The following USB1 variants were observed in gnomAD, a reference collection of about 807,000 sequenced individuals.
USB1 encodes the protein U6 snRNA phosphodiesterase 1.
Under a neutral mutation model 29.9 loss-of-function variants are expected in USB1, and 21 were observed. The ratio of observed to expected loss-of-function variants is 0.70; its 90% CI spans 0.50 to 1.01. USB1 has a LOEUF of 1.01. Among genes scored for constraint, USB1 ranks in the 50% least tolerant of loss-of-function variants. USB1 has a pLI of 0.00. For synonymous variants in USB1, 143 were observed against 134.9 expected (o/e 1.06, Z -0.42); for missense variants, 330 against 347.1 (o/e 0.95, Z 0.39).
chr16:58,001,702 G>A (rs954423208), intron 1 of USB1, 121 bp downstream of exon 1: 10 of 1,148,552 alleles, frequency 8.7e-6, no homozygotes, highest in Admixed American at 6.0e-5. Flanking sequence ...AAGGAAAAGG[G>A]GACGCAGGAA....
chr16:58,013,465 G>T lies in USB1; in HGVS notation c.450-808G>T. 4 of 985,568 alleles carry T rather than the reference G, an allele frequency of 4.1e-6. No homozygotes were observed. The highest frequency in any genetic ancestry group is 4.8e-6 in the Non-Finnish European group (4 of 830,078). The allele number at this position is 985,568 out of a possible 1,614,324, so 61.1% of individuals were successfully genotyped here. ...TGGGGGTGAGACCCTTGGCCTGGGG[G>T]CTGTAAAATGATCTGTTTCTGTGAG... On this transcript the variant is annotated intron_variant, in intron 3 of 6. Transcript: ENST00000219281. The surrounding 1 kb of genome is among the most constrained non-coding windows in gnomAD (Gnocchi z 4.3).
chr16:58,002,342 G>A, intron 1 of USB1, 137 bp from the exon 2 acceptor site: 1 of 1,380,606 alleles, frequency 7.2e-7, no homozygotes, highest in Non-Finnish European at 1.0e-6. Flanking sequence ...TCGCTATCTA[G>A]AAGCTGCTTC....
chr16:58,016,895 G>T, intron 4 of USB1: 1 of 259,528 alleles, frequency 3.9e-6, no homozygotes, highest in Non-Finnish European at 7.6e-6. Flanking sequence ...CGTGGGTTCA[G>T]GGGAGAGTTT....
At chr16:58,012,638 C>G (rs553741946) in intron 3 of USB1, 8 of 1,300,924 alleles carry the variant, frequency 6.1e-6, no homozygotes, top group Non-Finnish European at 7.8e-6. Context: ...TGACCCGTCT[C>G]CTGTGTGCTT....
rs781151070 is a variant in USB1, at chr16:58,001,495, GC to G, written c.16del (p.Leu6TrpfsTer45). MSAAPLVGYSSSGSE... is the reference protein window; with the variant it reads MSAAXLVGYSSSGSE... ...TTGGATGAGGCCCCATGAGCGCGGC[GC>G]CCCTGGTGGGCTACAGCAGCAGCGG... On this transcript the variant is annotated frameshift_variant, in exon 1 of 7. Transcript: ENST00000219281. LOFTEE classifies it high-confidence loss of function. The G allele has an allele frequency of 5.6e-6, 9 of 1,602,826 alleles. No individual in the cohort carries two copies. In the East Asian group the frequency reaches 2.0e-4, roughly 36 times the overall value.
intron 3 of USB1, chr16:58,012,384 C>A: frequency 6.8e-7 from 1 of 1,473,008 alleles, no homozygotes; most frequent in Non-Finnish European, 9.2e-7. Flanking sequence ...AATTTATAGG[C>A]TGGTATAACT....
intron 6 of USB1, among the ~76,000 whole-genome samples, chr16:58,019,481 C>T (rs1963690327): frequency 2.0e-5 from 3 of 152,184 alleles, no homozygotes; most frequent in Non-Finnish European, 2.9e-5. Flanking sequence ...GGGTAAGGAA[C>T]ATCCAGCCCC....
chr16:58,004,320 C>G (rs1036075150), intron 2 of USB1, among the ~76,000 whole-genome samples: 7 of 152,182 alleles, frequency 4.6e-5, no homozygotes, highest in African/African-American at 1.7e-4. Flanking sequence ...TTCACCAATA[C>G]CATTGGTGAA....
At chr16:58,014,103 G>A (rs932935478) in intron 3 of USB1, 170 bp from the exon 4 acceptor site, 13 of 628,252 alleles carry the variant, frequency 2.1e-5, no homozygotes, top group African/African-American at 2.0e-4. Flanking sequence ...TTAAGGTCTT[G>A]TCCAGCTCTA....
In USB1 at chr16:58,017,445, G is replaced by A; in HGVS notation, c.609+6G>A. On this transcript the variant is annotated splice_donor_region_variant and intron_variant, in intron 5 of 6. Transcript: ENST00000219281. ...ACCTCACCACTTTCTACCAGGTAAT[G>A]AATGGGGCTGCTGCTTCTCCATTGA... 1 of 1,610,520 alleles carries A rather than the reference G, an allele frequency of 6.2e-7. No homozygotes were observed.
At position 58,020,784 on chromosome 16, in the gene USB1, C is replaced by T. The variant is rs552540257; in HGVS notation, c.*539C>T. 1.4e-4 allele frequency: 25 copies of T among 181,258 alleles called. No individual in the cohort carries two copies. The East Asian group carries it at 3.3e-3, about 24-fold the overall frequency. The allele number at this position is 181,258 out of a possible 1,614,324, so 11.2% of individuals were successfully genotyped here. A position where few individuals can be genotyped will look rare whatever the true frequency, so the allele number is the denominator to read the frequency against. Reference sequence around the variant, plus strand: ...TCTCTCTTGCTTTCTTCTCTCTCTCCTGTCTCGGCTGTTGTGGGTTGCAGG... The same window carrying T: ...TCTCTCTTGCTTTCTTCTCTCTCTCTTGTCTCGGCTGTTGTGGGTTGCAGG... On this transcript the variant is annotated 3_prime_UTR_variant, in exon 7 of 7. Transcript: ENST00000219281.
intron 3 of USB1, chr16:58,011,695 G>A (rs1311392682): frequency 1.0e-6 from 1 of 987,576 alleles, no homozygotes; most frequent in Non-Finnish European, 1.2e-6. Context: ...TGGTCCTGTG[G>A]TTCTTTACCC....
rs375733174 is a variant in USB1 at position 58,002,635 on chromosome 16, C to G, written c.255C>G (p.Val85=). The G allele has an allele frequency of 6.2e-7, 1 of 1,613,746 alleles. No homozygotes were observed. Among genetic ancestry groups the G allele is most frequent in the African/African-American group, 1.3e-5 (1 of 74,886 alleles). The change falls in exon 2 of 7, where the codon GTC becomes GTG. Residue 85 remains valine, a synonymous_variant. Coordinates refer to ENST00000219281, the MANE Select transcript of USB1 (RefSeq NM_024598.4). ...PHERGNWATH[V]YVPYEAKEEF... ...AGCGAGGCAACTGGGCCACCCACGT[C>G]TATGTACCATGTGAGTGATGTGTGA...
intron 5 of USB1, among the ~76,000 whole-genome samples, chr16:58,018,188 A>G (rs948410770): frequency 1.3e-4 from 20 of 151,512 alleles, no homozygotes; most frequent in Non-Finnish European, 2.8e-4. Flanking sequence ...TCTGGAGGCT[A>G]GAAGTCCAAG....
chr16:58,001,637 G>C, intron 1 of USB1, 56 bp downstream of exon 1: 2 of 1,547,420 alleles, frequency 1.3e-6, no homozygotes, highest in South Asian at 2.4e-5. Flanking sequence ...AGAGCCAGAC[G>C]GGACCCGAAT....
chr16:58,017,956 T>G (rs1963656752), intron 5 of USB1, among the ~76,000 whole-genome samples: 1 of 152,212 alleles, frequency 6.6e-6, no homozygotes. Context: ...GCTTCAAAAC[T>G]TGAGACTTTG....
At chr16:58,019,528 T>G (rs1045330983) in intron 6 of USB1, among the ~76,000 whole-genome samples, 4 of 152,154 alleles carry the variant, frequency 2.6e-5, no homozygotes, top group African/African-American at 9.7e-5. Flanking sequence ...GCTGAAAGAT[T>G]CCACTTTCCC....
At chr16:58,001,001 TC>T (rs1054004233), upstream of USB1, among the ~76,000 whole-genome samples, 3 of 152,034 alleles carry the variant, frequency 2.0e-5, no homozygotes, top group African/African-American at 4.8e-5. Context: ...CCACAATTGA[TC>T]CGCCCCTAAC....
Position 58,020,357 on chromosome 16 carries a change from C to G in USB1, c.*112C>G. The G allele has an allele frequency of 2.0e-6, 2 of 993,740 alleles. No individual in the cohort carries two copies. The highest frequency in any genetic ancestry group is 2.7e-5 in the South Asian group (2 of 73,532). 61.6% of individuals were successfully genotyped at this position (993,740 alleles called of 1,614,324 possible). ...CTCCCAGTAGGAGGCCCCAGCCATG[C>G]CTTCAACCTGGCAGGAGGTGTAGCC... On this transcript the variant is annotated 3_prime_UTR_variant, in exon 7 of 7. Coordinates refer to ENST00000219281, the MANE Select transcript of USB1 (RefSeq NM_024598.4).
Sources: gnomAD v4.1 joint callset for allele counts (sites outside exome capture counted in the v4.1 genomes callset) on GRCh38, gnomAD v4.1.1 for gene constraint, Gnocchi (gnomAD v3.1) non-coding constraint, MANE v1.5 for transcripts, NCBI Gene and HGNC (gene_info 2026-07-23, HGNC 2026-07-21) for gene names.